DUS2: variants seen among roughly 807,000 people sequenced by gnomAD.
The protein encoded by DUS2 is tRNA-dihydrouridine(20) synthase [NAD(P)+]-like.
In DUS2, 52 loss-of-function variants were observed where a neutral mutation model predicts 71.3. That is an observed-to-expected ratio of 0.73 (90% CI 0.58 to 0.92). The LOEUF (loss-of-function observed/expected upper bound fraction) is 0.92. Ranked by LOEUF, DUS2 falls within the 40% of genes least tolerant of loss-of-function variation. The pLI, the probability that DUS2 is intolerant of heterozygous loss-of-function variation, is 0.00. For missense variants in DUS2, 558 were observed against 622.6 expected, an observed-to-expected ratio of 0.90 and a Z score of 1.10; for synonymous variants, 204 against 227.8, an observed-to-expected ratio of 0.90 and a Z score of 0.94.
At chr16:68,069,486 C>T (rs997438829) in intron 10 of DUS2, among the ~76,000 whole-genome samples, 9 of 152,300 alleles carry the variant, frequency 5.9e-5, no homozygotes, top group Admixed American at 3.9e-4. Context: ...TGTTGCTGAG[C>T]ACAGCTCAGG....
chr16:68,078,551 G>T, intron 16 of DUS2, 33 bp downstream of exon 16: 1 of 1,606,556 alleles, frequency 6.2e-7, no homozygotes. Flanking sequence ...AGGAGGCTTG[G>T]GGTGGGGCGG....
At chr16:68,076,814 G>A (rs1409769179) in intron 15 of DUS2, 95 bp downstream of exon 15, 7 of 1,071,082 alleles carry the variant, frequency 6.5e-6, no homozygotes. Flanking sequence ...GCCTGGCCTT[G>A]ACCTCTGTAG....
At position 68,079,320 on chromosome 16, in the gene DUS2, A is replaced by C; in HGVS notation, c.*334A>C. On this transcript the variant is annotated 3_prime_UTR_variant, in exon 17 of 17. Coordinates refer to ENST00000565263, the MANE Select transcript of DUS2 (RefSeq NM_017803.5). The stretch of plus-strand genomic sequence containing the variant: ...GCTTCAGCCTTGGGCATCTTCATAA[A>C]TGGGCTTGTGTCCTGGCATGATTCT... 5.3e-6 allele frequency: 1 copy of C among 190,136 alleles called. No individual in the cohort carries two copies. Among genetic ancestry groups the C allele is most frequent in the Non-Finnish European group, 1.1e-5 (1 of 92,912 alleles). 11.8% of individuals were successfully genotyped at this position (190,136 alleles called of 1,614,324 possible).
chr16:68,074,656 C>T (rs1190931514), intron 13 of DUS2, among the ~76,000 whole-genome samples: 2 of 152,258 alleles, frequency 1.3e-5, no homozygotes, highest in Non-Finnish European at 2.9e-5. Context: ...TTCCAGAACT[C>T]CACACCTGTG....
intron 6 of DUS2, 147 bp downstream of exon 6, chr16:68,054,764 G>A: frequency 2.1e-6 from 2 of 965,768 alleles, no homozygotes; most frequent in Non-Finnish European, 3.2e-6. Flanking sequence ...CTGGTTTCCA[G>A]CCAGGTGCGG....
chr16:68,078,234 G>C, intron 15 of DUS2: 1 of 595,540 alleles, frequency 1.7e-6, no homozygotes, highest in East Asian at 2.8e-5. Flanking sequence ...GCTTTGCTTA[G>C]GTCTGTGACA....
chr16:68,078,784 C>T lies in DUS2; in HGVS notation c.1280C>T (p.Ala427Val). The change falls in exon 17 of 17, where the codon GCC becomes GTC. Residue 427 changes from alanine (A) to valine (V), a missense_variant. Transcript: ENST00000565263. ...KSKKLAEQAA[A>V]IVCLRSQGLP... ...AAGAAACTGGCGGAGCAGGCTGCAG[C>T]CATCGTCTGTCTGCGGAGCCAGGGC... 6.2e-7 allele frequency: 1 copy of T among 1,611,996 alleles called. No homozygotes were observed. The highest frequency in any genetic ancestry group is 8.5e-7 in the Non-Finnish European group (1 of 1,178,958).
At chr16:68,062,718 C>CAAA (rs552579994) in intron 8 of DUS2, among the ~76,000 whole-genome samples, 75 of 48,508 alleles carry the variant, frequency 1.5e-3, no homozygotes, top group Middle Eastern at 7.9e-3. Context: ...GACTCCGTCT[C>CAAA]AAAAAAAAAA....
At chr16:68,058,748 G>T (rs904354841) in intron 7 of DUS2, among the ~76,000 whole-genome samples, 44 of 152,112 alleles carry the variant, frequency 2.9e-4, no homozygotes, top group Non-Finnish European at 5.0e-4. Flanking sequence ...TTTTTATCTG[G>T]TTATGCATAG....
chr16:68,076,521 GTC>G, intron 14 of DUS2, 109 bp from the exon 15 acceptor site: 1 of 759,466 alleles, frequency 1.3e-6, no homozygotes, highest in Non-Finnish European at 2.2e-6. Context: ...GCAGCTCGGT[GTC>G]TCAGTTCCTC....
intron 2 of DUS2, among the ~76,000 whole-genome samples, chr16:68,031,147 G>T (rs1310379146): frequency 6.6e-6 from 1 of 152,060 alleles, no homozygotes; most frequent in African/African-American, 2.4e-5. Context: ...CTCTGGCTTT[G>T]ATCCTCTAGG....
chr16:68,048,989 C>T (rs985241220), intron 3 of DUS2, among the ~76,000 whole-genome samples: 1 of 152,126 alleles, frequency 6.6e-6, no homozygotes, highest in Non-Finnish European at 1.5e-5. Flanking sequence ...GGACCTCGCC[C>T]TTTTCATTTC....
At chr16:68,066,511 A>T (rs1199355033) in intron 9 of DUS2, 55 bp from the exon 10 acceptor site, 1 of 1,597,814 alleles carries the variant, frequency 6.3e-7, no homozygotes, top group Non-Finnish European at 8.6e-7. Flanking sequence ...TTTAGGAGGC[A>T]GCAGCTGCTC....
intron 13 of DUS2, among the ~76,000 whole-genome samples, 178 bp from the exon 14 acceptor site, chr16:68,075,177 C>T (rs1479025358): frequency 6.6e-6 from 1 of 152,210 alleles, no homozygotes; most frequent in African/African-American, 2.4e-5. Flanking sequence ...CACTTTCCAT[C>T]TTCCAGTCCA....
chr16:68,076,023 TCTGGCAGAGGTGTGGAGAG>T (rs2034151198), intron 14 of DUS2, among the ~76,000 whole-genome samples: 2 of 152,290 alleles, frequency 1.3e-5, no homozygotes, highest in South Asian at 4.1e-4. Flanking sequence ...GCCAGTCTTG[TCTGGCAGAGGTGTGGAGAG>T]GGGGAGCAGG....
chr16:68,065,284 T>G (rs2033989613), intron 8 of DUS2, among the ~76,000 whole-genome samples: 1 of 152,054 alleles, frequency 6.6e-6, no homozygotes, highest in Non-Finnish European at 1.5e-5. Flanking sequence ...CAGGCCCCCC[T>G]TAAGAGCCTT....
intron 5 of DUS2, 176 bp downstream of exon 5, chr16:68,053,831 G>T: frequency 1.7e-6 from 1 of 605,026 alleles, no homozygotes; most frequent in Non-Finnish European, 2.9e-6. Context: ...TTATACTATT[G>T]GAGACAGTTT....
At chr16:68,053,813 A>G in intron 5 of DUS2, 158 bp downstream of exon 5, 3 of 663,740 alleles carry the variant, frequency 4.5e-6, no homozygotes, top group South Asian at 3.7e-5. Flanking sequence ...AGAGCCAGTC[A>G]TGAGTAATTA....
chr16:68,049,591 C>T (rs1420269773), intron 4 of DUS2, 41 bp downstream of exon 4: 1 of 1,601,378 alleles, frequency 6.2e-7, no homozygotes, highest in Non-Finnish European at 8.6e-7. Flanking sequence ...ATATGCCCTG[C>T]TGGGCTCAAG....
Sources: gnomAD v4.1 joint callset for allele counts (sites outside exome capture counted in the v4.1 genomes callset) on GRCh38, gnomAD v4.1.1 for gene constraint, MANE v1.5 for transcripts, NCBI Gene and HGNC (gene_info 2026-07-23, HGNC 2026-07-21) for gene names.